Variants in GOLGA3 observed in about 807,000 individuals in gnomAD.
GOLGA3 encodes golgin subfamily A member 3.
GOLGA3 carries 75 observed loss-of-function variants against 169.4 expected under a neutral mutation model. The ratio of observed to expected loss-of-function variants is 0.44; its 90% CI spans 0.37 to 0.54. The LOEUF is 0.54. GOLGA3 is among the 20% of genes least tolerant of loss of function. The pLI is 0.00. For synonymous variants in GOLGA3, 824 were observed against 822.4 expected (o/e 1.00, Z -0.03); for missense variants, 1,899 against 1,930.0 (o/e 0.98, Z 0.30).
chr12:132,813,587 A>T (rs555982558), intron 3 of GOLGA3, among the ~76,000 whole-genome samples, 168 bp from the exon 4 acceptor site: 1 of 152,190 alleles, frequency 6.6e-6, no homozygotes, highest in Non-Finnish European at 1.5e-5. Flanking sequence ...GAGAACTGTG[A>T]GCCCCGGACA....
Position 132,822,254 on chromosome 12 carries a change from G to A in GOLGA3, c.-126C>T. 7.1e-7 allele frequency: 1 copy of A among 1,414,260 alleles called. No homozygotes were observed. The highest frequency in any genetic ancestry group is 9.2e-7 in the Non-Finnish European group (1 of 1,090,854). 87.6% of individuals were successfully genotyped at this position (1,414,260 alleles called of 1,614,324 possible). On this transcript the variant is annotated 5_prime_UTR_variant, in exon 2 of 24. Transcript: ENST00000450791. ...GGCCCTACTGTGTCTCCCATTTTCAGGAGAAGATCTGATGACTCACAAATG... is the reference window on the plus strand; with the variant it reads ...GGCCCTACTGTGTCTCCCATTTTCAAGAGAAGATCTGATGACTCACAAATG...
At chr12:132,798,609 C>T (rs760146287) in intron 8 of GOLGA3, 132 bp from the exon 9 acceptor site, 2 of 697,310 alleles carry the variant, frequency 2.9e-6, no homozygotes. Context: ...AGCCCCACTA[C>T]CCACTACACG....
chr12:132,795,747 C>CGA (rs1443818812), intron 11 of GOLGA3, 105 bp downstream of exon 11: 1 of 1,265,410 alleles, frequency 7.9e-7, no homozygotes, highest in Non-Finnish European at 1.1e-6. Flanking sequence ...GGCAACACAG[C>CGA]GAGACTGTTT....
Position 132,772,754 on chromosome 12 carries a change from T to A in GOLGA3, c.*351A>T, listed in dbSNP as rs2044968404. Reference sequence around the variant, plus strand: ...TGGCCAGGCGCGGTGCCGCAGACCCTGTCACACAGCTGCTCCCAGTTACGC... The same window carrying A: ...TGGCCAGGCGCGGTGCCGCAGACCCAGTCACACAGCTGCTCCCAGTTACGC... On this transcript the variant is annotated 3_prime_UTR_variant, in exon 24 of 24. Transcript: ENST00000450791. 2.5e-5 allele frequency: 5 copies of A among 200,662 alleles called. No individual in the cohort carries two copies. The South Asian group carries it at 6.9e-4, about 28-fold the overall frequency. 12.4% of individuals were successfully genotyped at this position (200,662 alleles called of 1,614,324 possible). A position where few individuals can be genotyped will look rare whatever the true frequency, so the allele number is the denominator to read the frequency against.
chr12:132,787,972 C>A (rs2046017198), intron 13 of GOLGA3, among the ~76,000 whole-genome samples: 1 of 152,084 alleles, frequency 6.6e-6, no homozygotes, highest in Non-Finnish European at 1.5e-5. Flanking sequence ...GGCCGCGTCC[C>A]CGACCTGCTC....
At chr12:132,781,073 T>C (rs2045577466) in intron 17 of GOLGA3, among the ~76,000 whole-genome samples, 159 bp from the exon 18 acceptor site, 1 of 152,158 alleles carries the variant, frequency 6.6e-6, no homozygotes, top group Non-Finnish European at 1.5e-5. Context: ...AACAGAATCC[T>C]AGGTTGCGGG....
chr12:132,811,866 G>C, intron 4 of GOLGA3: 1 of 895,686 alleles, frequency 1.1e-6, no homozygotes, highest in Non-Finnish European at 1.3e-6. Context: ...CATGACATAG[G>C]CTGGGCGCGA....
chr12:132,796,582 C>T lies in GOLGA3; in HGVS notation c.2057G>A (p.Arg686Lys), dbSNP rs1948853200. ...EFEGERERLQ[R>K]MADSAASLEQ... is the part of the protein sequence containing the mutation. ...CAGGGATGCCGCCGAGTCCGCCATC[C>T]TCTGCAGCCGCTCCCTCTCACCTTC... The change falls in exon 10 of 24, where the codon AGG becomes AAG. Residue 686 changes from arginine to lysine, a missense_variant. Arg to Lys is a conservative substitution (Grantham distance 26, BLOSUM62 2). Coordinates refer to ENST00000450791, the MANE Select transcript of GOLGA3 (RefSeq NM_001389683.1). 2 of 1,613,596 alleles carry T rather than the reference C, an allele frequency of 1.2e-6. No homozygotes were observed. The highest frequency in any genetic ancestry group is 2.2e-5 in the South Asian group (2 of 91,084).
At chr12:132,815,394 G>C (rs1182385215) in intron 3 of GOLGA3, among the ~76,000 whole-genome samples, 1 of 152,188 alleles carries the variant, frequency 6.6e-6, no homozygotes, top group South Asian at 2.1e-4. Flanking sequence ...CTGGGCCAGA[G>C]CTCACACATC....
chr12:132,776,719 CTT>C lies in GOLGA3; in HGVS notation c.3891_3892del (p.Glu1299AsnfsTer32). ...CTGCTGCTTCAAGGACTGGATTTCT[CTT>C]TCTTTCTGATCCACCTCCCATTTGA... On this transcript the variant is annotated frameshift_variant, in exon 21 of 24. Transcript: ENST00000450791. LOFTEE classifies it high-confidence loss of function. 6.2e-7 allele frequency: 1 copy of C among 1,614,130 alleles called. No individual in the cohort carries two copies. The highest frequency in any genetic ancestry group is 8.5e-7 in the Non-Finnish European group (1 of 1,180,000).
At chr12:132,807,759 T>G in intron 5 of GOLGA3, 132 bp downstream of exon 5, 1 of 448,530 alleles carries the variant, frequency 2.2e-6, no homozygotes, top group East Asian at 4.2e-5. Flanking sequence ...TGCCCGTCTC[T>G]GCCCACCCCG....
At position 132,776,994 on chromosome 12, in the gene GOLGA3, G is replaced by T; in HGVS notation, c.3819C>A (p.Asp1273Glu). ...AQLQLLQKQLDEQLSKQPVGN... is the reference protein window; with the variant it reads ...AQLQLLQKQLEEQLSKQPVGN... ...CCACGGGCTGTTTGCTGAGCTGCTCGTCCAGCTGCTTCTGCAGGAGCTGGA... is the reference window on the plus strand; with the variant it reads ...CCACGGGCTGTTTGCTGAGCTGCTCTTCCAGCTGCTTCTGCAGGAGCTGGA... Residue 1273 changes from aspartate to glutamate, a missense_variant, in exon 20 of 24, where the codon GAC becomes GAA. Physicochemically the swap from Asp to Glu is conservative, Grantham distance 45. Coordinates refer to ENST00000450791, the MANE Select transcript of GOLGA3 (RefSeq NM_001389683.1). The T allele has an allele frequency of 6.2e-7, 1 of 1,609,386 alleles. No homozygotes were observed. The highest frequency in any genetic ancestry group is 1.7e-4 in the Middle Eastern group (1 of 6,040).
At chr12:132,801,261 C>T (rs1337659062) in intron 8 of GOLGA3, among the ~76,000 whole-genome samples, 2 of 152,198 alleles carry the variant, frequency 1.3e-5, no homozygotes, top group Non-Finnish European at 2.9e-5. Context: ...GCTGGGAAGA[C>T]GTGGTCCCCG....
intron 13 of GOLGA3, among the ~76,000 whole-genome samples, chr12:132,788,671 G>C (rs1238661914): frequency 6.6e-6 from 1 of 152,164 alleles, no homozygotes; most frequent in Non-Finnish European, 1.5e-5. Flanking sequence ...ACTCACCCTT[G>C]CTTTCTGCAT....
intron 16 of GOLGA3, 136 bp from the exon 17 acceptor site, chr12:132,782,629 C>T (rs2045667883): frequency 1.4e-6 from 1 of 708,452 alleles, no homozygotes; most frequent in Non-Finnish European, 2.5e-6. Context: ...GTAATCACAG[C>T]ACATTGGGAG....
rs769753415 is a variant in GOLGA3 at position 132,808,055 on chromosome 12, C to T, written c.1014G>A (p.Thr338=). The T allele has an allele frequency of 3.1e-5, 49 of 1,600,578 alleles. No individual in the cohort carries two copies. The highest frequency in any genetic ancestry group is 3.8e-5 in the Non-Finnish European group (44 of 1,172,222). The change falls in exon 5 of 24, where the codon ACG becomes ACA. Residue 338 remains threonine, a synonymous_variant. Transcript: ENST00000450791. ...CGTTGACCATATAGGGGGTGTCCTG[C>T]GTGCCCACTGTCTTCGACAGAATGC... The part of the protein sequence containing the change: ...TYGILSKTVG[T]QDTPYMVNGQ...
intron 3 of GOLGA3, among the ~76,000 whole-genome samples, chr12:132,816,183 G>C (rs1949952470): frequency 6.6e-6 from 1 of 152,190 alleles, no homozygotes; most frequent in Non-Finnish European, 1.5e-5. Flanking sequence ...GGGCGAAAGA[G>C]CGAGACTCTG....
chr12:132,803,009 G>C (rs4758938), intron 7 of GOLGA3, among the ~76,000 whole-genome samples: 105,499 of 152,012 alleles, frequency 0.69, 36,904 homozygotes, highest in East Asian at 0.8. Context: ...GAGCCAAGAT[G>C]GCGCCATTGC....
intron 15 of GOLGA3, among the ~76,000 whole-genome samples, chr12:132,785,591 G>A (rs2045856609): frequency 6.6e-6 from 1 of 152,160 alleles, no homozygotes; most frequent in South Asian, 2.1e-4. Flanking sequence ...GGGATTATAG[G>A]TGTGAGCCAC....
Sources: gnomAD v4.1 joint callset for allele counts (sites outside exome capture counted in the v4.1 genomes callset) on GRCh38, gnomAD v4.1.1 for gene constraint, MANE v1.5 for transcripts, NCBI Gene and HGNC (gene_info 2026-07-23, HGNC 2026-07-21) for gene names.